Variants in DAPK2 observed in about 807,000 individuals in gnomAD.
The protein encoded by DAPK2 is death associated protein kinase 2, also known as death-associated protein kinase 2.
DAPK2 carries 35 observed loss-of-function variants against 44.1 expected under a neutral mutation model. The ratio of observed to expected loss-of-function variants is 0.79; its 90% confidence interval spans 0.61 to 1.05. DAPK2 has a LOEUF of 1.05. DAPK2 is among the 50% of genes least tolerant of loss of function. The probability of loss-of-function intolerance (pLI) is 0.00; values close to 1 mark genes in which losing one functional copy is unlikely to be tolerated. For missense variants in DAPK2, 453 were observed against 483.2 expected, an observed-to-expected ratio of 0.94 and a Z score of 0.59; for synonymous variants, 174 against 182.6, an observed-to-expected ratio of 0.95 and a Z score of 0.38.
rs535059407 is a variant in DAPK2, at chr15:63,973,635, G to A, written c.315-2074C>T. On this transcript the variant is annotated intron_variant, in intron 2 of 10. Coordinates refer to ENST00000261891, the Ensembl canonical transcript of DAPK2. ...CCACATCTGATTTAGATATTTAGAT[G>A]AGACTTTGGACTTTAAACTTTGGAG... Among the ~76,000 whole-genome samples, 43 of 152,310 alleles carry A rather than the reference G, an allele frequency of 2.8e-4. No individual in the cohort carries two copies. The South Asian group carries it at 8.7e-3, about 31-fold the overall frequency.
At chr15:63,967,393 T>G (rs2078084343) in intron 3 of DAPK2, among the ~76,000 whole-genome samples, 1 of 152,034 alleles carries the variant, frequency 6.6e-6, no homozygotes, top group Non-Finnish European at 1.5e-5. Flanking sequence ...TCATATTAAT[T>G]TGTCCATTTG....
rs189384823 is a variant in DAPK2, at chr15:63,976,262, C to T, written c.315-4701G>A. Among the ~76,000 whole-genome samples the T allele has an allele frequency of 2.0e-5, 3 of 152,274 alleles. No individual in the cohort carries two copies. The South Asian group carries it at 6.2e-4, about 32-fold the overall frequency. On this transcript the variant is annotated intron_variant, in intron 2 of 10. Coordinates refer to ENST00000261891, the Ensembl canonical transcript of DAPK2. Reference sequence around the variant, plus strand: ...GTCACATGTGGTTACTGAGCACTTGCAATGTGGCTAGTGTAATAGAGGAAT... The same window carrying T: ...GTCACATGTGGTTACTGAGCACTTGTAATGTGGCTAGTGTAATAGAGGAAT...
Position 63,917,075 on chromosome 15 carries a change from A to T in DAPK2, c.859-4878T>A, listed in dbSNP as rs2078946601. The T allele has an allele frequency of 6.6e-6, 1 of 152,246 alleles. No individual in the cohort carries two copies. The highest frequency in any genetic ancestry group is 1.5e-5 in the Non-Finnish European group (1 of 68,072). The allele number at this position is 152,246 out of a possible 1,614,324, so 9.4% of individuals were successfully genotyped here. On this transcript the variant is annotated intron_variant, in intron 8 of 10. Coordinates refer to ENST00000261891, the Ensembl canonical transcript of DAPK2. This position sits in a 1 kb window ranked among gnomAD's most constrained non-coding sequence, Gnocchi z 4.4. The stretch of plus-strand genomic sequence containing the variant: ...TGGCATGGGGTTGTATTAAAAAGAA[A>T]GTCCTGGCTGGGTGCGGTGGCTCAT...
chr15:64,021,682 A>G (rs937885435), intron 1 of DAPK2, among the ~76,000 whole-genome samples: 2 of 152,220 alleles, frequency 1.3e-5, no homozygotes, highest in Non-Finnish European at 2.9e-5. Flanking sequence ...GTAATTGTGT[A>G]AGAGGCACAG....
chr15:64,041,137 T>G (rs1158139825), upstream of DAPK2, among the ~76,000 whole-genome samples: 1 of 152,168 alleles, frequency 6.6e-6, no homozygotes, highest in African/African-American at 2.4e-5. Flanking sequence ...ACCACCCAAC[T>G]GCGTGTCTGA....
chr15:63,962,631 T>A (rs2077940387), intron 3 of DAPK2, among the ~76,000 whole-genome samples: 1 of 152,220 alleles, frequency 6.6e-6, no homozygotes, highest in Admixed American at 6.5e-5. Context: ...GACCCTGTTT[T>A]ACTGGGTATC....
At chr15:63,940,705 C>G (rs1487578618) in intron 3 of DAPK2, among the ~76,000 whole-genome samples, 1 of 151,278 alleles carries the variant, frequency 6.6e-6, no homozygotes, top group Non-Finnish European at 1.5e-5. Flanking sequence ...GAGTGAGTCT[C>G]TGTCTCAATT....
chr15:63,927,289 G>A (rs1198997261), intron 6 of DAPK2, among the ~76,000 whole-genome samples: 1 of 152,160 alleles, frequency 6.6e-6, no homozygotes, highest in Non-Finnish European at 1.5e-5. Flanking sequence ...GGCATCAAGA[G>A]TTGGTCCTTA....
chr15:64,040,310 T>G (rs372844816), upstream of DAPK2: 34 of 1,503,438 alleles, frequency 2.3e-5, no homozygotes, highest in African/African-American at 4.7e-4. Flanking sequence ...CCATCCAAAT[T>G]AGCACAAGCC....
intron 1 of DAPK2, among the ~76,000 whole-genome samples, chr15:64,028,782 C>G (rs2079927065): frequency 1.3e-5 from 2 of 151,656 alleles, no homozygotes; most frequent in Admixed American, 1.3e-4. Flanking sequence ...GACAGACAGA[C>G]AGATAACCCA....
intron 4 of DAPK2, among the ~76,000 whole-genome samples, chr15:63,937,435 C>T (rs969415397): frequency 2.6e-5 from 4 of 152,208 alleles, no homozygotes; most frequent in Admixed American, 2.6e-4. Flanking sequence ...ATAACCCACT[C>T]ACACTAACAG....
intron 1 of DAPK2, among the ~76,000 whole-genome samples, chr15:64,009,763 G>A (rs780562052): frequency 4.6e-5 from 7 of 151,614 alleles, no homozygotes; most frequent in African/African-American, 9.7e-5. Flanking sequence ...CTTTCCCCCC[G>A]CCCCTAAATT....
chr15:63,910,719 G>A (rs906215596), intron 10 of DAPK2: 3 of 152,008 alleles, frequency 2.0e-5, no homozygotes, highest in African/African-American at 7.3e-5. Flanking sequence ...TTTTTTGTTT[G>A]TTTGTTTGTT....
intron 4 of DAPK2, among the ~76,000 whole-genome samples, chr15:63,936,979 C>CCAAA (rs2077176096): frequency 7.7e-6 from 1 of 129,818 alleles, no homozygotes. Flanking sequence ...GACCCTGTCT[C>CCAAA]AAAAAAAAAA....
At chr15:64,031,484 C>T (rs973570338) in intron 1 of DAPK2, among the ~76,000 whole-genome samples, 1 of 152,188 alleles carries the variant, frequency 6.6e-6, no homozygotes, top group Non-Finnish European at 1.5e-5. Context: ...CCTCCCACCT[C>T]GTCCTCCCAA....
At chr15:64,008,939 G>A (rs1047675915) in intron 1 of DAPK2, among the ~76,000 whole-genome samples, 13 of 152,136 alleles carry the variant, frequency 8.5e-5, no homozygotes, top group African/African-American at 3.1e-4. Context: ...GGAAAGGGTA[G>A]GATCCCCTTT....
exon 7 of DAPK2, chr15:63,926,003 G>A (rs1319326669): frequency 6.2e-7 from 1 of 1,614,202 alleles, no homozygotes; most frequent in Non-Finnish European, 8.5e-7. Flanking sequence ...TCTGGCTGAA[G>A]AATTCCTCAT....
intron 3 of DAPK2, among the ~76,000 whole-genome samples, chr15:63,960,454 T>C (rs1200101869): frequency 1.3e-5 from 2 of 152,096 alleles, no homozygotes; most frequent in African/African-American, 4.8e-5. Context: ...GGGTGTCAAT[T>C]TTAGATCTTT....
intron 1 of DAPK2, among the ~76,000 whole-genome samples, chr15:63,986,419 T>C (rs1221903618): frequency 2.0e-5 from 3 of 152,072 alleles, no homozygotes; most frequent in East Asian, 1.9e-4. Flanking sequence ...AACCAAGGAA[T>C]TGGTTTAATT....
Sources: allele counts gnomAD v4.1 joint callset (sites outside exome capture counted in the v4.1 genomes callset), GRCh38; gene constraint gnomAD v4.1.1; non-coding constraint Gnocchi (gnomAD v3.1); transcripts MANE v1.5; gene names NCBI Gene and HGNC (gene_info 2026-07-23, HGNC 2026-07-21).